The following GUCA1A variants were observed in gnomAD, a reference collection of about 807,000 sequenced individuals.
GUCA1A encodes guanylate cyclase activator 1A.
In GUCA1A, 14 loss-of-function variants were observed where a neutral mutation model predicts 18.5. The observed-to-expected ratio is 0.76, with a 90% CI of 0.50 to 1.18. GUCA1A has a LOEUF of 1.18. Among genes scored for constraint, GUCA1A ranks in the 50% most tolerant of loss-of-function variants. The pLI, the probability that GUCA1A is intolerant of heterozygous loss-of-function variation, is 0.00. For synonymous variants in GUCA1A, 97 were observed against 100.2 expected, an observed-to-expected ratio of 0.97 and a Z score of 0.19; for missense variants, 264 against 262.4, an observed-to-expected ratio of 1.01 and a Z score of -0.04.
At chr6:42,174,771 A>G (rs1485793078) in intron 1 of GUCA1A, among the ~76,000 whole-genome samples, 1 of 152,226 alleles carries the variant, frequency 6.6e-6, no homozygotes, top group Non-Finnish European at 1.5e-5. Context: ...GAAGAGCCCA[A>G]ATCTGCAAAC....
intron 1 of GUCA1A, among the ~76,000 whole-genome samples, chr6:42,174,857 C>A (rs1767908278): frequency 6.6e-6 from 1 of 152,224 alleles, no homozygotes; most frequent in South Asian, 2.1e-4. Context: ...CTCTGCAGAC[C>A]CGGGAGAGGT....
At position 42,173,730 on chromosome 6, in the gene GUCA1A, C is replaced by T; in HGVS notation, c.117C>T (p.Phe39=). ...CPSGQLTLYE[F]RQFFGLKNLS... ...CTGGCCAACTCACCCTCTATGAGTT[C>T]CGCCAGTTCTTCGGCCTCAAGAACC... The change falls in exon 1 of 4, where the codon TTC becomes TTT. Residue 39 remains phenylalanine, a synonymous_variant. Transcript: ENST00000372958. 1 of 1,614,020 alleles carries T rather than the reference C, an allele frequency of 6.2e-7. No homozygotes were observed. The highest frequency in any genetic ancestry group is 8.5e-7 in the Non-Finnish European group (1 of 1,179,866).
intron 1 of GUCA1A, among the ~76,000 whole-genome samples, chr6:42,178,057 T>A (rs1768003920): frequency 6.6e-6 from 1 of 152,210 alleles, no homozygotes; most frequent in Non-Finnish European, 1.5e-5. Context: ...ATTGGCAGCC[T>A]CTGGAGTAGG....
Position 42,179,367 on chromosome 6 carries a change from G to A in GUCA1A, c.570G>A (p.Glu190=), listed in dbSNP as rs1246693639. ...GGCTCCAGAATGGCGAGCAAGACGA[G>A]GAGGGGGCTGACGAGGCCGCTGAGG... is the stretch of plus-strand genomic sequence containing the variant. ...VRRLQNGEQD[E]EGADEAAEAA... is the part of the protein sequence containing the mutation. The change falls in exon 4 of 4, where the codon GAG becomes GAA. Residue 190 remains glutamate (E), a synonymous_variant. Coordinates refer to ENST00000372958, the MANE Select transcript of GUCA1A (RefSeq NM_001384910.1). 1 of 1,610,934 alleles carries A rather than the reference G, an allele frequency of 6.2e-7. No homozygotes were observed. Among genetic ancestry groups the A allele is most frequent in the Non-Finnish European group, 8.5e-7 (1 of 1,178,152 alleles).
chr6:42,173,668 C>T lies in GUCA1A; in HGVS notation c.55C>T (p.His19Tyr), dbSNP rs1767871284. The change falls in exon 1 of 4, where the codon CAC becomes TAC. Residue 19 changes from histidine to tyrosine, a missense_variant. Physicochemically the swap from His to Tyr is moderately conservative, Grantham distance 83. Coordinates refer to ENST00000372958, the MANE Select transcript of GUCA1A (RefSeq NM_001384910.1). ...GGAGGAGCTGAGCAGCACCGAGTGC[C>T]ACCAGTGGTACAAGAAGTTCATGAC... is the stretch of plus-strand genomic sequence containing the variant. ...SVEELSSTEC[H>Y]QWYKKFMTEC... 1.2e-6 allele frequency: 2 copies of T among 1,614,088 alleles called. No individual in the cohort carries two copies. Among genetic ancestry groups the T allele is most frequent in the Non-Finnish European group, 8.5e-7 (1 of 1,179,924 alleles).
At position 42,178,447 on chromosome 6, in the gene GUCA1A, A is replaced by G. The variant is rs1382365259; in HGVS notation, c.351+18A>G. 5 of 1,611,082 alleles carry G rather than the reference A, an allele frequency of 3.1e-6. No homozygotes were observed. Among genetic ancestry groups the G allele is most frequent in the Non-Finnish European group, 3.4e-6 (4 of 1,177,828 alleles). On this transcript the variant is annotated intron_variant, in intron 2 of 3. Transcript: ENST00000372958. ...TCATCCAGGTGCAGAGGGCCCGGCC[A>G]GGGCTGGGGGCAGCGGTCTGGGGTG...
At chr6:42,175,083 G>C (rs1439765938) in intron 1 of GUCA1A, among the ~76,000 whole-genome samples, 1 of 152,210 alleles carries the variant, frequency 6.6e-6, no homozygotes, top group Non-Finnish European at 1.5e-5. Flanking sequence ...CCTGTGTACA[G>C]AGACTGGGAG....
chr6:42,178,459 A>G (rs1281438335), intron 2 of GUCA1A, 30 bp downstream of exon 2: 2 of 1,604,712 alleles, frequency 1.2e-6, no homozygotes, highest in Non-Finnish European at 1.7e-6. Context: ...GGCTGGGGGC[A>G]GCGGTCTGGG....
intron 1 of GUCA1A, among the ~76,000 whole-genome samples, chr6:42,175,217 T>A (rs766499903): frequency 1.1e-4 from 16 of 152,014 alleles, no homozygotes; most frequent in Non-Finnish European, 1.8e-4. Flanking sequence ...ACATATCTCA[T>A]CTTCTCACCT....
In GUCA1A at chr6:42,178,883, G is replaced by GTTT; in HGVS notation, c.434_435insTTT (p.Val145_Asn146insPhe). Reference sequence around the variant, plus strand: ...CGATACAGTGTTCTCCAAGATTGACGTCAACGGGGATGGTGAGGGGGCCGA... The same window carrying GTTT: ...CGATACAGTGTTCTCCAAGATTGACGTTTTCAACGGGGATGGTGAGGGGGCCGA... On this transcript the variant is annotated inframe_insertion, in exon 3 of 4. Coordinates refer to ENST00000372958, the MANE Select transcript of GUCA1A (RefSeq NM_001384910.1). The GTTT allele has an allele frequency of 6.2e-7, 1 of 1,612,442 alleles. No individual in the cohort carries two copies. Among genetic ancestry groups the GTTT allele is most frequent in the Non-Finnish European group, 8.5e-7 (1 of 1,178,460 alleles).
rs904381536 is a variant in GUCA1A at position 42,178,316 on chromosome 6, C to T, written c.238C>T (p.Leu80Phe). 1.2e-6 allele frequency: 2 copies of T among 1,614,088 alleles called. No homozygotes were observed. The highest frequency in any genetic ancestry group is 1.7e-6 in the Non-Finnish European group (2 of 1,180,040). ...TGATTTCATGGAGTACGTGGCAGCG[C>T]TCAGCTTGGTCCTCAAGGGGAAGGT... ...YIDFMEYVAALSLVLKGKVEQ... is the reference protein window; with the variant it reads ...YIDFMEYVAAFSLVLKGKVEQ... Residue 80 changes from leucine (L) to phenylalanine (F), a missense_variant, in exon 2 of 4, where the codon CTC (leucine) becomes TTC (phenylalanine). By Grantham distance (22) the Leu-to-Phe change is conservative. Coordinates refer to ENST00000372958, the MANE Select transcript of GUCA1A (RefSeq NM_001384910.1).
intron 1 of GUCA1A, 100 bp from the exon 2 acceptor site, chr6:42,178,180 C>T: frequency 7.1e-7 from 1 of 1,411,448 alleles, no homozygotes; most frequent in Non-Finnish European, 9.9e-7. Flanking sequence ...TCTCTTGGGG[C>T]TTGCCGAGAT....
intron 1 of GUCA1A, among the ~76,000 whole-genome samples, chr6:42,175,708 G>T (rs1767941574): frequency 6.6e-6 from 1 of 152,158 alleles, no homozygotes; most frequent in Admixed American, 6.5e-5. Context: ...CACCTGTACT[G>T]TACCAAACCT....
At chr6:42,178,572 G>A (rs1458701801) in intron 2 of GUCA1A, 143 bp downstream of exon 2, 3 of 871,534 alleles carry the variant, frequency 3.4e-6, no homozygotes, top group East Asian at 2.5e-5. Flanking sequence ...CTCACCAGCT[G>A]CGTGACCCAG....
rs1022391686 is a variant in GUCA1A at position 42,176,435 on chromosome 6, G to T, written c.202-1845G>T. 1.2e-3 allele frequency among the ~76,000 whole-genome samples: 173 copies of T among 145,690 alleles called. 1 individual carries two copies. Among genetic ancestry groups the T allele is most frequent in the African/African-American group, 4.1e-3 (146 of 35,374 alleles). ...TGTTGTTGTTGTTTTGTTTTTTGTTGTTGTTGTTGTTTTTTGAGATGGAGT... is the reference window on the plus strand; with the variant it reads ...TGTTGTTGTTGTTTTGTTTTTTGTTTTTGTTGTTGTTTTTTGAGATGGAGT... On this transcript the variant is annotated intron_variant, in intron 1 of 3. Transcript: ENST00000372958.
At chr6:42,176,183 A>G (rs772254649) in intron 1 of GUCA1A, among the ~76,000 whole-genome samples, 2 of 152,206 alleles carry the variant, frequency 1.3e-5, no homozygotes, top group African/African-American at 4.8e-5. Flanking sequence ...TGAGTGAATG[A>G]ATATATGAGA....
At position 42,178,413 on chromosome 6, in the gene GUCA1A, T is replaced by C. The variant is rs774100447; in HGVS notation, c.335T>C (p.Leu112Pro). ...AACGGCTGCATTGACCGCGATGAGC[T>C]GCTCACCATCATCCAGGTGCAGAGG... ...DGNGCIDRDE[L>P]LTIIQAIRAI... The change falls in exon 2 of 4, where the codon CTG (leucine) becomes CCG (proline). Residue 112 changes from leucine to proline, a missense_variant. Transcript: ENST00000372958. 1 of 1,613,888 alleles carries C rather than the reference T, an allele frequency of 6.2e-7. No individual in the cohort carries two copies. Among genetic ancestry groups the C allele is most frequent in the African/African-American group, 1.3e-5 (1 of 74,910 alleles).
chr6:42,179,267 T>C lies in GUCA1A; in HGVS notation c.470T>C (p.Ile157Thr). 1 of 1,613,800 alleles carries C rather than the reference T, an allele frequency of 6.2e-7. No homozygotes were observed. The highest frequency in any genetic ancestry group is 1.7e-4 in the Middle Eastern group (1 of 6,056). The change falls in exon 4 of 4, where the codon ATA (isoleucine) becomes ACA (threonine). Residue 157 changes from isoleucine to threonine, a missense_variant. Physicochemically the swap from Ile to Thr is moderately conservative, Grantham distance 89. Coordinates refer to ENST00000372958, the MANE Select transcript of GUCA1A (RefSeq NM_001384910.1). ...GDGELSLEEF[I>T]EGVQKDQMLL... ...GGGGAACTCTCCCTGGAAGAGTTTA[T>C]AGAGGGCGTCCAGAAGGACCAGATG...
rs530200190 is a variant in GUCA1A, at chr6:42,173,742, C to T, written c.129C>T (p.Phe43=). The T allele has an allele frequency of 8.7e-5, 141 of 1,613,970 alleles. No individual in the cohort carries two copies. The highest frequency in any genetic ancestry group is 9.7e-5 in the Non-Finnish European group (115 of 1,179,946). ...QLTLYEFRQF[F]GLKNLSPSAS... ...CCCTCTATGAGTTCCGCCAGTTCTTCGGCCTCAAGAACCTGAGCCCGTCGG... is the reference window on the plus strand; with the variant it reads ...CCCTCTATGAGTTCCGCCAGTTCTTTGGCCTCAAGAACCTGAGCCCGTCGG... Residue 43 remains phenylalanine (F), a synonymous_variant, in exon 1 of 4, where the codon TTC becomes TTT. Coordinates refer to ENST00000372958, the MANE Select transcript of GUCA1A (RefSeq NM_001384910.1).
Sources: gnomAD v4.1 joint callset for allele counts (sites outside exome capture counted in the v4.1 genomes callset) on GRCh38, gnomAD v4.1.1 for gene constraint, MANE v1.5 for transcripts, NCBI Gene and HGNC (gene_info 2026-07-23, HGNC 2026-07-21) for gene names.